The following LRRC56 variants were observed in gnomAD, a reference collection of about 807,000 sequenced individuals.
The protein encoded by LRRC56 is leucine-rich repeat-containing protein 56.
A neutral mutation model predicts 47.8 loss-of-function variants in LRRC56; 41 were observed. The ratio of observed to expected loss-of-function variants is 0.86; its 90% CI spans 0.67 to 1.11. The LOEUF is 1.11. Ranked by LOEUF, LRRC56 falls within the 50% of genes most tolerant of loss-of-function variation. The probability of loss-of-function intolerance (pLI) is 0.00; values close to 1 mark genes in which losing one functional copy is unlikely to be tolerated. For missense variants in LRRC56, 759 were observed against 704.2 expected, an observed-to-expected ratio of 1.08 and a Z score of -0.88; for synonymous variants, 387 against 311.2, an observed-to-expected ratio of 1.24 and a Z score of -2.56.
chr11:533,270 G>C, upstream of LRRC56: 1 of 1,580,168 alleles, frequency 6.3e-7, no homozygotes, highest in Non-Finnish European at 8.5e-7. Context: ...CGTCCCGGGA[G>C]ACTTACAGCG....
At chr11:532,219 C>T in the LRRC56 span, 1 of 373,810 alleles carries the variant, frequency 2.7e-6, no homozygotes, top group Non-Finnish European at 5.1e-6. Flanking sequence ...GCACCGTGTC[C>T]CACCCTCAGC....
At chr11:524,452 A>G in the LRRC56 span, among the ~76,000 whole-genome samples, 1 of 151,780 alleles carries the variant, frequency 6.6e-6, no homozygotes, top group African/African-American at 2.4e-5. Context: ...ACCAACATCG[A>G]GAAACCCCGT....
chr11:542,616 C>T (rs1254174661), intron 5 of LRRC56, among the ~76,000 whole-genome samples: 2 of 130,184 alleles, frequency 1.5e-5, no homozygotes, highest in Middle Eastern at 3.9e-3. Context: ...ACTCCCTCCC[C>T]GCCCTCCGCC....
At chr11:538,122 G>T (rs927506046) in intron 1 of LRRC56, among the ~76,000 whole-genome samples, 1 of 152,178 alleles carries the variant, frequency 6.6e-6, no homozygotes, top group African/African-American at 2.4e-5. Flanking sequence ...AGAACACTAG[G>T]TGCAGTGTCT....
rs1851784363 is a variant in LRRC56, at chr11:541,395, C to T, written c.178-142C>T. Reference sequence around the variant, plus strand: ...TCACATCCACTCCCATCCCACCACCCAGGCCAGGGCCAACATGGCCCAGGC... The same window carrying T: ...TCACATCCACTCCCATCCCACCACCTAGGCCAGGGCCAACATGGCCCAGGC... On this transcript the variant is annotated intron_variant, in intron 4 of 13. Coordinates refer to ENST00000270115, the MANE Select transcript of LRRC56 (RefSeq NM_198075.4). The surrounding 1 kb of genome is among the most constrained non-coding windows in gnomAD (Gnocchi z 4.1). 1 of 475,658 alleles carries T rather than the reference C, an allele frequency of 2.1e-6. No individual in the cohort carries two copies. Among genetic ancestry groups the T allele is most frequent in the African/African-American group, 2.0e-5 (1 of 49,740 alleles). 29.5% of individuals were successfully genotyped at this position (475,658 alleles called of 1,614,324 possible).
In LRRC56 at chr11:550,164, G is replaced by A; in HGVS notation, c.516G>A (p.Val172=). The A allele has an allele frequency of 6.2e-7, 1 of 1,613,362 alleles. No homozygotes were observed. The highest frequency in any genetic ancestry group is 8.5e-7 in the Non-Finnish European group (1 of 1,179,854). ...LEVLDLEGNS[V]EDLGQVRYLQ... ...TGCTGGACCTGGAGGGCAACAGCGT[G>A]GAGGACCTGGGGCAGGTGCGCTACT... Residue 172 remains valine, a synonymous_variant, in exon 8 of 14, where the codon GTG becomes GTA. Transcript: ENST00000270115.
chr11:544,221 C>T lies in LRRC56; in HGVS notation c.266-499C>T, dbSNP rs11246179. Among the ~76,000 whole-genome samples, 115 of 152,292 alleles carry T rather than the reference C, an allele frequency of 7.6e-4. 3 individuals are homozygous for T. In the East Asian group the frequency reaches 0.021, roughly 28 times the overall value. ...GTGTTGTGTGTGGGACTGTGCATGACGGTCTGAGATGCCAGGGGAGGGGTG... is the reference window on the plus strand; with the variant it reads ...GTGTTGTGTGTGGGACTGTGCATGATGGTCTGAGATGCCAGGGGAGGGGTG... On this transcript the variant is annotated intron_variant, in intron 5 of 13. Transcript: ENST00000270115.
the LRRC56 span, among the ~76,000 whole-genome samples, chr11:527,080 T>C: frequency 1.3e-5 from 2 of 152,006 alleles, no homozygotes. Flanking sequence ...GGCGGGCAGA[T>C]CATGAGGTCA....
chr11:548,952 C>G (rs1030518197), intron 6 of LRRC56, among the ~76,000 whole-genome samples: 7 of 152,146 alleles, frequency 4.6e-5, no homozygotes. Context: ...ATTAGCTGCT[C>G]TTGAAGAAAT....
intron 6 of LRRC56, 125 bp downstream of exon 6, chr11:544,905 G>A: frequency 3.1e-6 from 3 of 977,134 alleles, no homozygotes; most frequent in Non-Finnish European, 3.1e-6. Flanking sequence ...GGGACCCAGG[G>A]GTCTAGAGAG....
At position 552,251 on chromosome 11, in the gene LRRC56, C is replaced by T. The variant is rs1458972791; in HGVS notation, c.1181+19C>T. On this transcript the variant is annotated intron_variant, in intron 12 of 13. Coordinates refer to ENST00000270115, the MANE Select transcript of LRRC56 (RefSeq NM_198075.4). ...GCGTGCGGTGGGTGTCCCTCCAGCT[C>T]TTCCACTGGGTGTGTCCTGTCCCGT... 1.9e-6 allele frequency: 3 copies of T among 1,602,780 alleles called. No individual in the cohort carries two copies. Among genetic ancestry groups the T allele is most frequent in the Non-Finnish European group, 2.6e-6 (3 of 1,173,006 alleles).
upstream of LRRC56, chr11:533,731 G>A (rs778646483): frequency 6.2e-6 from 10 of 1,611,996 alleles, no homozygotes; most frequent in South Asian, 3.3e-5. Context: ...CCACCTGTGC[G>A]GCGTGGGCTC....
At chr11:535,574 C>T (rs1384358670), upstream of LRRC56, 2 of 149,254 alleles carry the variant, frequency 1.3e-5, no homozygotes, top group African/African-American at 2.4e-5. Flanking sequence ...CTCGGGCGGG[C>T]CTGCGCACGC....
chr11:511,861 C>T, the LRRC56 span, among the ~76,000 whole-genome samples: 29 of 152,212 alleles, frequency 1.9e-4, no homozygotes, highest in African/African-American at 6.5e-4. Flanking sequence ...ACCCCCCACA[C>T]ACACAGACAA....
Position 551,174 on chromosome 11 carries a change from T to C in LRRC56, c.668T>C (p.Ile223Thr). The C allele has an allele frequency of 4.8e-6, 7 of 1,446,160 alleles. No individual in the cohort carries two copies. Among genetic ancestry groups the C allele is most frequent in the Non-Finnish European group, 6.5e-6 (7 of 1,081,376 alleles). The allele number at this position is 1,446,160 out of a possible 1,614,324, so 89.6% of individuals were successfully genotyped here. Reference protein sequence around the residue: ...YNYRAEVRKLIPQLQVLDEVP... With the variant: ...YNYRAEVRKLTPQLQVLDEVP... Reference sequence around the variant, plus strand: ...TACAGGGCAGAGGTGAGGAAGCTCATTCCCCAGCTGCAGGTCCTGGACGAA... The same window carrying C: ...TACAGGGCAGAGGTGAGGAAGCTCACTCCCCAGCTGCAGGTCCTGGACGAA... The change falls in exon 9 of 14, where the codon ATT (isoleucine) becomes ACT (threonine). Residue 223 changes from isoleucine to threonine, a missense_variant. Ile to Thr is a moderately conservative substitution (Grantham distance 89, BLOSUM62 -1). Transcript: ENST00000270115.
At chr11:551,401 A>G in intron 9 of LRRC56, 99 bp downstream of exon 9, 4 of 871,804 alleles carry the variant, frequency 4.6e-6, no homozygotes, top group Non-Finnish European at 7.0e-6. Context: ...GCCACATCTC[A>G]TGCGCTTCTC....
chr11:552,818 G>A, intron 13 of LRRC56, 116 bp downstream of exon 13: 1 of 900,944 alleles, frequency 1.1e-6, no homozygotes, highest in Non-Finnish European at 1.7e-6. Context: ...CCTCAGCCAT[G>A]CTCTGAGAGG....
chr11:554,445 G>A lies in LRRC56; in HGVS notation c.*169G>A. ...GTGGGGGACTGGGACCAGCCAGGGA[G>A]GCAGCAGAGGCTGGAACCCAGTTTA... is the stretch of plus-strand genomic sequence containing the variant. On this transcript the variant is annotated 3_prime_UTR_variant, in exon 14 of 14. Coordinates refer to ENST00000270115, the MANE Select transcript of LRRC56 (RefSeq NM_198075.4). The A allele has an allele frequency of 5.4e-6, 3 of 557,102 alleles. No homozygotes were observed. Among genetic ancestry groups the A allele is most frequent in the Non-Finnish European group, 8.5e-6 (3 of 352,866 alleles). 34.5% of individuals were successfully genotyped at this position (557,102 alleles called of 1,614,324 possible).
At chr11:512,472 T>C in the LRRC56 span, among the ~76,000 whole-genome samples, 2 of 152,168 alleles carry the variant, frequency 1.3e-5, no homozygotes, top group Admixed American at 1.3e-4. Flanking sequence ...TGACCTCAAA[T>C]GATCTGCCTG....
Sources: allele counts gnomAD v4.1 joint callset (sites outside exome capture counted in the v4.1 genomes callset), GRCh38; gene constraint gnomAD v4.1.1; non-coding constraint Gnocchi (gnomAD v3.1); transcripts MANE v1.5; gene names NCBI Gene and HGNC (gene_info 2026-07-23, HGNC 2026-07-21).